Variants in VPS36 observed in about 807,000 individuals in gnomAD.
VPS36 encodes the protein vacuolar protein sorting 36 homolog, also known as vacuolar protein-sorting-associated protein 36.
A neutral mutation model predicts 63.5 loss-of-function variants in VPS36; 31 were observed. The ratio of observed to expected loss-of-function variants is 0.49; its 90% CI spans 0.37 to 0.66. The LOEUF (loss-of-function observed/expected upper bound fraction) is 0.66. Among genes scored for constraint, VPS36 ranks in the 30% least tolerant of loss-of-function variants. VPS36 has a pLI of 0.00. For missense variants in VPS36, 338 were observed against 463.7 expected, an observed-to-expected ratio of 0.73 and a Z score of 2.49; for synonymous variants, 138 against 157.2, an observed-to-expected ratio of 0.88 and a Z score of 0.91.
intron 2 of VPS36, among the ~76,000 whole-genome samples, chr13:52,440,896 G>A (rs1422774711): frequency 6.6e-6 from 1 of 152,176 alleles, no homozygotes; most frequent in African/African-American, 2.4e-5. Flanking sequence ...CAGGGGTTGT[G>A]GTTTCAGGAT....
chr13:52,434,191 C>A (rs545232916), intron 5 of VPS36, among the ~76,000 whole-genome samples: 1 of 152,052 alleles, frequency 6.6e-6, no homozygotes, highest in Non-Finnish European at 1.5e-5. Context: ...GAAAACATTA[C>A]CCAGCTGTAC....
At chr13:52,423,508 T>C (rs1278067537) in intron 10 of VPS36, 66 bp downstream of exon 10, 2 of 1,390,208 alleles carry the variant, frequency 1.4e-6, no homozygotes, top group Middle Eastern at 1.8e-4. Flanking sequence ...CCTCAAATTG[T>C]ATTCGGAATT....
rs1022254801 is a variant in VPS36 at position 52,412,624 on chromosome 13, T to A, written c.*3206A>T. ...AAATTGCTATGTGTTCAAAAAAATG[T>A]TTTTTTTATTGAATTGAATGGGAGC... On this transcript the variant is annotated 3_prime_UTR_variant, in exon 14 of 14. Transcript: ENST00000378060. 2.6e-5 allele frequency: 4 copies of A among 150,972 alleles called. No homozygotes were observed. The East Asian group carries it at 7.7e-4, about 29-fold the overall frequency. The allele number at this position is 150,972 out of a possible 1,614,324, so 9.4% of individuals were successfully genotyped here.
chr13:52,418,151 A>G, intron 10 of VPS36, 95 bp from the exon 11 acceptor site: 1 of 1,162,380 alleles, frequency 8.6e-7, no homozygotes, highest in South Asian at 1.6e-5. Context: ...CAATAATTTT[A>G]GGTGATTTAA....
At chr13:52,421,525 T>C (rs1424603869) in intron 10 of VPS36, among the ~76,000 whole-genome samples, 6 of 148,940 alleles carry the variant, frequency 4.0e-5, no homozygotes, top group Admixed American at 3.3e-4. Flanking sequence ...GAGTAGGTTT[T>C]TTTTTTTTTT....
rs1352216524 is a variant in VPS36 at position 52,426,081 on chromosome 13, G to A, written c.640-15C>T. ...AACCTGATGGTCTATAATAAAAAAG[G>A]AGAAAATGCAGAATTAGTCTCTCCA... On this transcript the variant is annotated splice_polypyrimidine_tract_variant and intron_variant, in intron 8 of 13. Transcript: ENST00000378060. The A allele has an allele frequency of 4.4e-6, 7 of 1,605,858 alleles. No individual in the cohort carries two copies. Among genetic ancestry groups the A allele is most frequent in the Admixed American group, 3.5e-5 (2 of 57,544 alleles).
At chr13:52,426,355 T>C (rs1346380979) in intron 8 of VPS36, among the ~76,000 whole-genome samples, 6 of 152,136 alleles carry the variant, frequency 3.9e-5, no homozygotes, top group Non-Finnish European at 8.8e-5. Flanking sequence ...AACCAAATAG[T>C]ACAACTGAAA....
chr13:52,430,476 T>C (rs9536070), intron 6 of VPS36, among the ~76,000 whole-genome samples: 8,509 of 151,568 alleles, frequency 0.056, 260 homozygotes, highest in South Asian at 0.085. Context: ...ACTAAAAATA[T>C]AAAAAATTAG....
intron 2 of VPS36, among the ~76,000 whole-genome samples, chr13:52,441,987 C>T (rs143561391): frequency 6.6e-6 from 1 of 152,246 alleles, no homozygotes; most frequent in African/African-American, 2.4e-5. Context: ...TAGAATTTGA[C>T]TAGTATTTAA....
At chr13:52,434,502 G>A (rs1958192791) in intron 5 of VPS36, among the ~76,000 whole-genome samples, 1 of 152,098 alleles carries the variant, frequency 6.6e-6, no homozygotes, top group Non-Finnish European at 1.5e-5. Context: ...GGGATTACAG[G>A]CGTGCACCAA....
Position 52,434,822 on chromosome 13 carries a change from G to T in VPS36, c.412C>A (p.Gln138Lys), listed in dbSNP as rs1429931246. ...QRRWENMPVS[Q>K]SLQTNRGPQP... ...GGTCCTCTATTTGTTTGTAATGACT[G>T]GGAAACTGGCATATTCTCCCATCTT... The change falls in exon 5 of 14, where the codon CAG becomes AAG. Residue 138 changes from glutamine to lysine, a missense_variant. By Grantham distance (53) the Gln-to-Lys change is moderately conservative. Coordinates refer to ENST00000378060, the MANE Select transcript of VPS36 (RefSeq NM_016075.4). The T allele has an allele frequency of 1.2e-6, 2 of 1,613,866 alleles. No homozygotes were observed. The highest frequency in any genetic ancestry group is 3.3e-5 in the Admixed American group (2 of 59,984).
At chr13:52,421,397 G>A (rs1477908508) in intron 10 of VPS36, among the ~76,000 whole-genome samples, 1 of 151,950 alleles carries the variant, frequency 6.6e-6, no homozygotes, top group Non-Finnish European at 1.5e-5. Context: ...GATGGAGAGA[G>A]GTTGGTCAGC....
chr13:52,426,083 G>T lies in VPS36; in HGVS notation c.640-17C>A. 1 of 1,606,052 alleles carries T rather than the reference G, an allele frequency of 6.2e-7. No individual in the cohort carries two copies. Among genetic ancestry groups the T allele is most frequent in the Non-Finnish European group, 8.5e-7 (1 of 1,177,882 alleles). ...CCTGATGGTCTATAATAAAAAAGGA[G>T]AAAATGCAGAATTAGTCTCTCCACC... On this transcript the variant is annotated splice_polypyrimidine_tract_variant and intron_variant, in intron 8 of 13. Coordinates refer to ENST00000378060, the MANE Select transcript of VPS36 (RefSeq NM_016075.4).
intron 10 of VPS36, among the ~76,000 whole-genome samples, chr13:52,419,316 C>T (rs1958023217): frequency 6.6e-6 from 1 of 152,222 alleles, no homozygotes; most frequent in South Asian, 2.1e-4. Context: ...GGGCAGCTTT[C>T]CCTCTGCATT....
chr13:52,428,880 TTATACA>T (rs1441315159), intron 6 of VPS36, among the ~76,000 whole-genome samples: 4 of 152,086 alleles, frequency 2.6e-5, no homozygotes, highest in African/African-American at 9.7e-5. Flanking sequence ...TCCTGTAAAC[TTATACA>T]TAGGCAATAA....
chr13:52,420,217 G>C lies in VPS36; in HGVS notation c.841-2161C>G, dbSNP rs186068529. Reference sequence around the variant, plus strand: ...AGGTTGTGCCACTGCACTCCAGCCTGGGTGACAAAAGTTAAGACTGTCTCA... The same window carrying C: ...AGGTTGTGCCACTGCACTCCAGCCTCGGTGACAAAAGTTAAGACTGTCTCA... On this transcript the variant is annotated intron_variant, in intron 10 of 13. Coordinates refer to ENST00000378060, the MANE Select transcript of VPS36 (RefSeq NM_016075.4). 7.3e-3 allele frequency among the ~76,000 whole-genome samples: 1,108 copies of C among 151,122 alleles called. 6 individuals are homozygous for C. The highest frequency in any genetic ancestry group is 0.017 in the African/African-American group (692 of 41,178).
At chr13:52,433,228 C>T (rs547480961) in intron 6 of VPS36, among the ~76,000 whole-genome samples, 6 of 152,300 alleles carry the variant, frequency 3.9e-5, no homozygotes, top group African/African-American at 1.4e-4. Flanking sequence ...TTGAGCCGTT[C>T]TTACTGATGT....
At chr13:52,438,641 C>T (rs972934875) in intron 3 of VPS36, among the ~76,000 whole-genome samples, 9 of 152,274 alleles carry the variant, frequency 5.9e-5, no homozygotes, top group African/African-American at 2.2e-4. Context: ...CCTGGTGTGC[C>T]TGGGATAGTC....
Position 52,450,552 on chromosome 13 carries a change from C to T in VPS36, c.43G>A (p.Glu15Lys). The change falls in exon 1 of 14, where the codon GAG (glutamate) becomes AAG (lysine). Residue 15 changes from glutamate (E) to lysine (K), a missense_variant. Glu to Lys is a moderately conservative substitution (Grantham distance 56). Coordinates refer to ENST00000378060, the MANE Select transcript of VPS36 (RefSeq NM_016075.4). Reference protein sequence around the residue: ...VWTSGLLEINETLVIQQRGVR... With the variant: ...VWTSGLLEINKTLVIQQRGVR... ...CCGCGCTGCTGGATCACCAGGGTCT[C>T]GTTGATCTCCAGGAGGCCGCTGGTC... 1 of 1,594,990 alleles carries T rather than the reference C, an allele frequency of 6.3e-7. No individual in the cohort carries two copies. Among genetic ancestry groups the T allele is most frequent in the Non-Finnish European group, 8.5e-7 (1 of 1,171,034 alleles).
Sources: gnomAD v4.1 joint callset for allele counts (sites outside exome capture counted in the v4.1 genomes callset) on GRCh38, gnomAD v4.1.1 for gene constraint, MANE v1.5 for transcripts, NCBI Gene and HGNC (gene_info 2026-07-23, HGNC 2026-07-21) for gene names.